MAN1A2: variants seen among roughly 807,000 people sequenced by gnomAD.
MAN1A2 encodes the protein mannosyl-oligosaccharide 1,2-alpha-mannosidase IB.
In MAN1A2, 26 loss-of-function variants were observed where a neutral mutation model predicts 75.7. The ratio of observed to expected loss-of-function variants is 0.34; its 90% CI spans 0.25 to 0.48. MAN1A2 has a LOEUF of 0.48. Ranked by LOEUF, MAN1A2 falls within the 20% of genes least tolerant of loss-of-function variation. MAN1A2 has a pLI of 0.99. For synonymous variants in MAN1A2, 247 were observed against 264.6 expected, an observed-to-expected ratio of 0.93 and a Z score of 0.65; for missense variants, 562 against 775.5, an observed-to-expected ratio of 0.72 and a Z score of 3.27.
chr1:117,518,434 T>C (rs1651780318), intron 12 of MAN1A2, among the ~76,000 whole-genome samples: 1 of 152,002 alleles, frequency 6.6e-6, no homozygotes, highest in South Asian at 2.1e-4. Context: ...TGAAATGTTA[T>C]GGATGGCCCA....
At chr1:117,473,954 T>G (rs554876507) in intron 8 of MAN1A2, among the ~76,000 whole-genome samples, 1 of 152,042 alleles carries the variant, frequency 6.6e-6, no homozygotes, top group East Asian at 1.9e-4. Flanking sequence ...GAAAGAACAT[T>G]AATGAAGGAG....
intron 1 of MAN1A2, among the ~76,000 whole-genome samples, chr1:117,391,296 A>G (rs577910757): frequency 6.6e-6 from 1 of 152,178 alleles, no homozygotes; most frequent in Non-Finnish European, 1.5e-5. Context: ...GTAAATGTCA[A>G]TTAGGTCAAG....
intron 1 of MAN1A2, among the ~76,000 whole-genome samples, chr1:117,400,401 A>G (rs1300048809): frequency 2.0e-5 from 3 of 150,580 alleles, no homozygotes. Flanking sequence ...CTTTTGGCAT[A>G]CAGGTTTATG....
chr1:117,461,278 G>C (rs1451983790), intron 7 of MAN1A2, among the ~76,000 whole-genome samples: 1 of 152,178 alleles, frequency 6.6e-6, no homozygotes, highest in Non-Finnish European at 1.5e-5. Context: ...AGGACATTAT[G>C]TTAAGTGAAA....
intron 6 of MAN1A2, among the ~76,000 whole-genome samples, chr1:117,453,622 G>C (rs1649489099): frequency 6.6e-6 from 1 of 152,208 alleles, no homozygotes; most frequent in African/African-American, 2.4e-5. Context: ...GATGAGCAGA[G>C]AAAGTGGTTT....
rs200109590 is a variant in MAN1A2 at position 117,394,086 on chromosome 1, C to CT, written c.303-8087dup. Among the ~76,000 whole-genome samples the CT allele has an allele frequency of 4.6e-3, 660 of 143,342 alleles. 6 individuals are homozygous for CT. Among genetic ancestry groups the CT allele is most frequent in the African/African-American group, 0.014 (538 of 39,184 alleles). 94.0% of individuals were successfully genotyped at this position (143,342 alleles called of 152,430 possible). ...CCTGTGACAAAAGACAGTGGGTTTC[C>CT]TTTTTTTTTTTTTGAGATGGAGTCT... On this transcript the variant is annotated intron_variant, in intron 1 of 12. Transcript: ENST00000356554.
intron 3 of MAN1A2, among the ~76,000 whole-genome samples, chr1:117,413,909 A>G (rs1043964656): frequency 2.0e-5 from 3 of 151,924 alleles, no homozygotes; most frequent in Admixed American, 6.6e-5. Flanking sequence ...TAGTTTATTT[A>G]GGATTTGTAG....
chr1:117,418,214 T>A (rs1648070969), intron 4 of MAN1A2, among the ~76,000 whole-genome samples: 1 of 152,152 alleles, frequency 6.6e-6, no homozygotes, highest in African/African-American at 2.4e-5. Context: ...CTAGATTCTG[T>A]GGATATAGTA....
intron 1 of MAN1A2, among the ~76,000 whole-genome samples, chr1:117,378,084 G>A (rs930951089): frequency 2.6e-5 from 4 of 151,944 alleles, no homozygotes; most frequent in Non-Finnish European, 4.4e-5. Flanking sequence ...CCTGGGCGAC[G>A]GAGTGAGACT....
chr1:117,429,986 A>AC (rs1210596225), intron 5 of MAN1A2, among the ~76,000 whole-genome samples: 1 of 41,536 alleles, frequency 2.4e-5, no homozygotes. Context: ...CGGAGGGCTG[A>AC]CCCCCCCACC....
intron 6 of MAN1A2, among the ~76,000 whole-genome samples, chr1:117,458,804 G>C (rs187702552): frequency 6.6e-6 from 1 of 151,870 alleles, no homozygotes; most frequent in African/African-American, 2.4e-5. Context: ...GATTACTGGC[G>C]TGAGCCACCG....
intron 5 of MAN1A2, among the ~76,000 whole-genome samples, chr1:117,425,067 A>G (rs998473655): frequency 2.7e-5 from 4 of 148,820 alleles, no homozygotes; most frequent in Non-Finnish European, 5.9e-5. Flanking sequence ...AAAGAAGGAG[A>G]CAAAACAGGA....
At chr1:117,500,609 C>T (rs1279398712) in intron 11 of MAN1A2, among the ~76,000 whole-genome samples, 2 of 151,792 alleles carry the variant, frequency 1.3e-5, no homozygotes, top group Non-Finnish European at 2.9e-5. Flanking sequence ...TTTCACCTGT[C>T]ATTCAGACCT....
At chr1:117,428,784 CTTTTTTTT>C (rs780515731) in intron 5 of MAN1A2, among the ~76,000 whole-genome samples, 6 of 110,206 alleles carry the variant, frequency 5.4e-5, no homozygotes, top group African/African-American at 1.1e-4. Context: ...GGAGACCTTT[CTTTTTTTT>C]TTTTTTTTTT....
intron 1 of MAN1A2, among the ~76,000 whole-genome samples, chr1:117,381,147 C>A (rs1262295631): frequency 1.3e-5 from 2 of 151,820 alleles, no homozygotes. Flanking sequence ...TCTTAATTTT[C>A]TTTTTTGGTT....
chr1:117,381,346 C>A (rs555685292), intron 1 of MAN1A2, among the ~76,000 whole-genome samples: 3 of 152,206 alleles, frequency 2.0e-5, no homozygotes, highest in Admixed American at 1.3e-4. Context: ...TCCCCCAACC[C>A]CACAACAGTC....
rs757093865 is a variant in MAN1A2, at chr1:117,525,314, T to G, written c.*2357T>G. On this transcript the variant is annotated 3_prime_UTR_variant, in exon 13 of 13. Transcript: ENST00000356554. ...TAAAAGTACTTCCATTTTTTTATTC[T>G]CCTGAATACCAAAGGCAATTAAAGT... The G allele has an allele frequency of 4.1e-6, 1 of 246,486 alleles. No individual in the cohort carries two copies. The highest frequency in any genetic ancestry group is 2.2e-5 in the African/African-American group (1 of 44,778). 15.3% of individuals were successfully genotyped at this position (246,486 alleles called of 1,614,324 possible). A position where few individuals can be genotyped will look rare whatever the true frequency, so the allele number is the denominator to read the frequency against.
At chr1:117,396,635 C>G (rs1372845384) in intron 1 of MAN1A2, among the ~76,000 whole-genome samples, 1 of 152,040 alleles carries the variant, frequency 6.6e-6, no homozygotes, top group African/African-American at 2.4e-5. Flanking sequence ...GAGAAGAAAA[C>G]TAGCAAGAAA....
intron 5 of MAN1A2, among the ~76,000 whole-genome samples, chr1:117,426,564 A>G (rs1420132190): frequency 1.3e-5 from 2 of 152,190 alleles, no homozygotes; most frequent in Non-Finnish European, 2.9e-5. Context: ...AAACATCCTC[A>G]GAACACTTAC....
Sources: gnomAD v4.1 joint callset for allele counts (sites outside exome capture counted in the v4.1 genomes callset) on GRCh38, gnomAD v4.1.1 for gene constraint, MANE v1.5 for transcripts, NCBI Gene and HGNC (gene_info 2026-07-23, HGNC 2026-07-21) for gene names.